The following NLGN3 variants were observed in gnomAD, a reference collection of about 807,000 sequenced individuals.
NLGN3 encodes neuroligin 3.
Under a neutral mutation model 42.9 loss-of-function variants are expected in NLGN3, and 11 were observed. The observed-to-expected ratio is 0.26, with a 90% confidence interval of 0.16 to 0.42. NLGN3 has a LOEUF of 0.42. Ranked by LOEUF, NLGN3 falls within the 10% of genes least tolerant of loss-of-function variation. The pLI, the probability that NLGN3 is intolerant of heterozygous loss-of-function variation, is 1.00. For synonymous variants in NLGN3, 279 were observed against 312.7 expected (o/e 0.89, Z 1.14); for missense variants, 374 against 733.8 (o/e 0.51, Z 5.67).
chrX:71,166,454 C>G (rs1217325393), intron 6 of NLGN3, among the ~76,000 whole-genome samples: 1 of 87,038 alleles, frequency 1.1e-5, no homozygotes, highest in Non-Finnish European at 2.0e-5. Context: ...AAAACTCCAT[C>G]TCCAAAAAAA....
intron 1 of NLGN3, among the ~76,000 whole-genome samples, chrX:71,145,881 TG>T (rs1164165543): frequency 1.5e-4 from 14 of 90,942 alleles, no homozygotes; most frequent in Non-Finnish European, 3.1e-4. Flanking sequence ...AGACGGTGAA[TG>T]GGGGGATTGT....
Position 71,167,367 on chromosome X carries a change from G to A in NLGN3, c.1270G>A (p.Val424Ile). 3.3e-6 allele frequency: 4 copies of A among 1,211,871 alleles called. No individual in the cohort carries two copies. The highest frequency in any genetic ancestry group is 4.5e-6 in the Non-Finnish European group (4 of 895,512). ...VEGVVDPEDGVSGTDFDYSVS... is the reference protein window; with the variant it reads ...VEGVVDPEDGISGTDFDYSVS... ...AGGGGTGGTGGACCCTGAGGATGGT[G>A]TCTCTGGCACTGACTTTGACTATTC... Residue 424 changes from valine (V) to isoleucine (I), a missense_variant, in exon 7 of 8, where the codon GTC becomes ATC. Around this residue, in one of 6 missense-constraint regions of NLGN3, gnomAD observed 142 missense variants for 359.1 expected, o/e 0.40. Coordinates refer to ENST00000358741, the MANE Select transcript of NLGN3 (RefSeq NM_181303.2).
chrX:71,162,694 G>A (rs1470677459), intron 5 of NLGN3, among the ~76,000 whole-genome samples: 1 of 111,954 alleles, frequency 8.9e-6, no homozygotes, highest in African/African-American at 3.3e-5. Context: ...GAGCTCTTTT[G>A]CAGAAGCTAG....
chrX:71,167,987 ATGT>A (rs1012581293), intron 7 of NLGN3, among the ~76,000 whole-genome samples, 187 bp downstream of exon 7: 2 of 110,435 alleles, frequency 1.8e-5, no homozygotes, highest in African/African-American at 6.6e-5. Flanking sequence ...TCCTTCAAAA[ATGT>A]TGTTGAGGCT....
Position 71,169,827 on chromosome X carries a change from AGAG to A in NLGN3, c.2284_2286del (p.Glu762del). ...GGGCCCCGGAGTTGGGAGCTGCTCC[AGAG>A]GAGGAGCTGGCAGCATTACAACTGG... On this transcript the variant is annotated inframe_deletion, in exon 8 of 8. Coordinates refer to ENST00000358741, the MANE Select transcript of NLGN3 (RefSeq NM_181303.2). 1 of 1,204,876 alleles carries A rather than the reference AGAG, an allele frequency of 8.3e-7. No individual in the cohort carries two copies. Among genetic ancestry groups the A allele is most frequent in the Non-Finnish European group, 1.1e-6 (1 of 891,821 alleles).
intron 1 of NLGN3, among the ~76,000 whole-genome samples, 154 bp downstream of exon 1, chrX:71,145,118 T>G (rs1602310393): frequency 1.6e-5 from 1 of 61,453 alleles, no homozygotes. Context: ...CCCCCGATCC[T>G]CCCCCGCTTC....
chrX:71,146,153 TCACACACACACACACACAGACACACACA>T (rs2092367675), intron 1 of NLGN3, among the ~76,000 whole-genome samples: 1 of 26,345 alleles, frequency 3.8e-5, no homozygotes, highest in African/African-American at 1.6e-4. Context: ...TCTCTCTCTC[TCACACACACACACACACAGACACACACA>T]CACACACACA....
chrX:71,157,164 C>T (rs1335874108), intron 5 of NLGN3, among the ~76,000 whole-genome samples: 1 of 110,705 alleles, frequency 9.0e-6, no homozygotes, highest in Non-Finnish European at 1.9e-5. Context: ...CTAGGGGACA[C>T]GACCATATTT....
intron 3 of NLGN3, among the ~76,000 whole-genome samples, chrX:71,152,709 C>A (rs1013429430): frequency 9.0e-6 from 1 of 111,589 alleles, no homozygotes; most frequent in Non-Finnish European, 1.9e-5. Flanking sequence ...TGTTTCTCTT[C>A]TATTTTTTTT....
chrX:71,168,876 A>AG (rs2092460138), intron 7 of NLGN3, among the ~76,000 whole-genome samples: 2 of 74,638 alleles, frequency 2.7e-5, no homozygotes, highest in Non-Finnish European at 4.6e-5. Context: ...AAAGAGAAAG[A>AG]AAAGAAAGAG....
intron 5 of NLGN3, among the ~76,000 whole-genome samples, chrX:71,158,045 G>A (rs866119744): frequency 1.5e-4 from 16 of 108,183 alleles, no homozygotes; most frequent in Admixed American, 3.0e-4. Flanking sequence ...ACACACTAGG[G>A]CTGCACACTT....
chrX:71,164,479 C>T (rs2092440405), intron 6 of NLGN3, 151 bp downstream of exon 6: 2 of 548,744 alleles, frequency 3.6e-6, no homozygotes, highest in Non-Finnish European at 5.7e-6. Context: ...AAATGTTTCT[C>T]TGGGAGAAGT....
At position 71,165,686 on chromosome X, in the gene NLGN3, C is replaced by G. The variant is rs184560846; in HGVS notation, c.914-1325C>G. On this transcript the variant is annotated intron_variant, in intron 6 of 7. Transcript: ENST00000358741. ...GACTACAGGTGCATGCTACCATGCC[C>G]GGCTAATTTTGGGGATAAATTTTTT... 2.7e-5 allele frequency among the ~76,000 whole-genome samples: 3 copies of G among 110,474 alleles called. No homozygotes were observed. The East Asian group carries it at 8.5e-4, about 31-fold the overall frequency.
At position 71,161,881 on chromosome X, in the gene NLGN3, A is replaced by G. The variant is rs777107126; in HGVS notation, c.728-2262A>G. 4.4e-5 allele frequency among the ~76,000 whole-genome samples: 5 copies of G among 113,316 alleles called. No homozygotes were observed. In the South Asian group the frequency reaches 1.4e-3, roughly 32 times the overall value. On this transcript the variant is annotated intron_variant, in intron 5 of 7. Transcript: ENST00000358741. ...GGAGAAATCTGCTCTACTACATCCA[A>G]ATGCAGGCTTTGCCTGCTGATTAGG...
intron 5 of NLGN3, among the ~76,000 whole-genome samples, chrX:71,162,635 C>T (rs938083137): frequency 2.7e-5 from 3 of 112,282 alleles, no homozygotes; most frequent in African/African-American, 6.5e-5. Context: ...ACTTTACATA[C>T]TTAATTGTAC....
intron 5 of NLGN3, among the ~76,000 whole-genome samples, chrX:71,157,726 T>C (rs1325796329): frequency 1.8e-5 from 2 of 111,516 alleles, no homozygotes; most frequent in Non-Finnish European, 3.8e-5. Context: ...ACGGCAATCT[T>C]CTCTTGGTTT....
intron 6 of NLGN3, 41 bp downstream of exon 6, chrX:71,164,369 C>T (rs967532796): frequency 6.0e-6 from 7 of 1,174,304 alleles, no homozygotes; most frequent in Admixed American, 2.2e-5. Context: ...AGCCAAGTGC[C>T]GGCTGTCCCA....
chrX:71,171,351 T>C (rs1177023881), downstream of NLGN3: 1 of 82,956 alleles, frequency 1.2e-5, no homozygotes, highest in Non-Finnish European at 2.3e-5. Context: ...GGGTTGGGGG[T>C]TGGGGGTTGG....
chrX:71,167,164 G>A lies in NLGN3; in HGVS notation c.1067G>A (p.Ser356Asn). 1 of 1,212,004 alleles carries A rather than the reference G, an allele frequency of 8.3e-7. No homozygotes were observed. Among genetic ancestry groups the A allele is most frequent in the East Asian group, 3.0e-5 (1 of 33,839 alleles). ...ATGGTGGACTGTCTTCGGCAAAAGA[G>A]TGCCAAGGAGCTGGTAGAGCAGGAC... ...VDMVDCLRQK[S>N]AKELVEQDIQ... Residue 356 changes from serine (S) to asparagine (N), a missense_variant, in exon 7 of 8, where the codon AGT (serine) becomes AAT (asparagine). Around this residue, in one of 6 missense-constraint regions of NLGN3, gnomAD observed 142 missense variants for 359.1 expected, o/e 0.40. Transcript: ENST00000358741.
Sources: gnomAD v4.1 joint callset for allele counts (sites outside exome capture counted in the v4.1 genomes callset) on GRCh38, gnomAD v4.1.1 for gene constraint, gnomAD v4.1.1 regional missense constraint, MANE v1.5 for transcripts, NCBI Gene and HGNC (gene_info 2026-07-23, HGNC 2026-07-21) for gene names.